SLC8A1: variants seen among roughly 807,000 people sequenced by gnomAD.
SLC8A1 encodes the protein sodium/calcium exchanger 1.
Under a neutral mutation model 68.3 loss-of-function variants are expected in SLC8A1, and 18 were observed. The ratio of observed to expected loss-of-function variants is 0.26; its 90% CI spans 0.18 to 0.39. SLC8A1 has a LOEUF of 0.39. Among genes scored for constraint, SLC8A1 ranks in the 10% least tolerant of loss-of-function variants. The pLI is 1.00. For missense variants in SLC8A1, 985 were observed against 1,156.7 expected, an observed-to-expected ratio of 0.85 and a Z score of 2.15; for synonymous variants, 475 against 415.5, an observed-to-expected ratio of 1.14 and a Z score of -1.74.
chr2:40,476,037 T>C (rs1171492902), intron 1 of SLC8A1, among the ~76,000 whole-genome samples: 1 of 152,186 alleles, frequency 6.6e-6, no homozygotes, highest in Admixed American at 6.5e-5. Context: ...GCACAAAGCA[T>C]GAAAATAAAT....
At chr2:40,500,163 C>A (rs1323183812) in intron 1 of SLC8A1, among the ~76,000 whole-genome samples, 2 of 151,972 alleles carry the variant, frequency 1.3e-5, no homozygotes, top group Non-Finnish European at 2.9e-5. Flanking sequence ...AACAACAAAA[C>A]CCCCAGGATT....
intron 1 of SLC8A1, among the ~76,000 whole-genome samples, chr2:40,466,752 C>CT (rs34426571): frequency 6.6e-6 from 1 of 152,036 alleles, no homozygotes; most frequent in Admixed American, 6.6e-5. Context: ...TTGAATGTGT[C>CT]TTTTTTCTCC....
At chr2:40,140,372 C>T (rs2041317245) in intron 6 of SLC8A1, among the ~76,000 whole-genome samples, 1 of 152,244 alleles carries the variant, frequency 6.6e-6, no homozygotes, top group Non-Finnish European at 1.5e-5. Context: ...CCTCACCCAT[C>T]CTTTAAGACT....
chr2:40,460,058 A>G (rs1703251257), intron 1 of SLC8A1, among the ~76,000 whole-genome samples: 2 of 152,168 alleles, frequency 1.3e-5, no homozygotes, highest in South Asian at 4.1e-4. Flanking sequence ...AGAGTCTTGT[A>G]TACTTCTTTT....
chr2:40,297,576 C>A (rs530426688), intron 2 of SLC8A1, among the ~76,000 whole-genome samples: 2 of 152,282 alleles, frequency 1.3e-5, no homozygotes, highest in South Asian at 4.1e-4. Context: ...ATAGTCTCTA[C>A]TTTGTGTAAA....
chr2:40,259,169 A>G (rs111949614), intron 2 of SLC8A1, among the ~76,000 whole-genome samples: 4 of 152,160 alleles, frequency 2.6e-5, no homozygotes, highest in South Asian at 4.1e-4. Flanking sequence ...AATAGAATCA[A>G]TCTTTTCAAG....
At chr2:40,296,188 C>A (rs1319657714) in intron 2 of SLC8A1, among the ~76,000 whole-genome samples, 1 of 152,128 alleles carries the variant, frequency 6.6e-6, no homozygotes, top group Non-Finnish European at 1.5e-5. Flanking sequence ...TCTGTAGCAA[C>A]TGAAACATAT....
chr2:40,135,118 C>T (rs1399294985), intron 7 of SLC8A1, among the ~76,000 whole-genome samples: 1 of 152,070 alleles, frequency 6.6e-6, no homozygotes, highest in Non-Finnish European at 1.5e-5. Flanking sequence ...GGCCCATGGG[C>T]CCAAAGAACA....
exon 2 of SLC8A1, chr2:40,429,384 A>G: frequency 1.2e-6 from 2 of 1,613,904 alleles, no homozygotes; most frequent in Admixed American, 1.7e-5. Context: ...AATTTTCAAC[A>G]TGAGAATTGA....
chr2:40,252,406 C>G (rs1056944918), intron 2 of SLC8A1, among the ~76,000 whole-genome samples: 4 of 152,062 alleles, frequency 2.6e-5, no homozygotes, highest in Non-Finnish European at 4.4e-5. Context: ...GATCTCGGCT[C>G]ACTGCAACCT....
In SLC8A1 at chr2:40,213,774, T is replaced by G. The variant is rs887881565; in HGVS notation, c.1809-35919A>C. Among the ~76,000 whole-genome samples the G allele has an allele frequency of 2.0e-5, 3 of 152,172 alleles. No individual in the cohort carries two copies. The South Asian group carries it at 6.2e-4, about 32-fold the overall frequency. On this transcript the variant is annotated intron_variant, in intron 2 of 7. Transcript: ENST00000406785. ...CAACAGAAACTAGAGCTGCATCAAT[T>G]CTCTCACACTGCCAAGCCTTTCTTC...
At chr2:40,115,030 C>T in exon 8 of SLC8A1, 1 of 288,804 alleles carries the variant, frequency 3.5e-6, no homozygotes, top group Non-Finnish European at 6.3e-6. Flanking sequence ...CTAGACTGAG[C>T]TGCAAAGATG....
At chr2:40,333,062 C>A (rs921688526) in intron 2 of SLC8A1, among the ~76,000 whole-genome samples, 9 of 151,952 alleles carry the variant, frequency 5.9e-5, no homozygotes, top group Non-Finnish European at 1.3e-4. Context: ...TTAGAGCTTC[C>A]AACTGGATTA....
chr2:40,157,662 G>A (rs548350816), intron 6 of SLC8A1, among the ~76,000 whole-genome samples: 1 of 152,232 alleles, frequency 6.6e-6, no homozygotes, highest in African/African-American at 2.4e-5. Context: ...ACTCAAACTG[G>A]ACAGGGAATG....
intron 2 of SLC8A1, among the ~76,000 whole-genome samples, chr2:40,351,750 G>C (rs540127573): frequency 1.3e-5 from 2 of 152,066 alleles, no homozygotes; most frequent in Non-Finnish European, 2.9e-5. Flanking sequence ...ACAGTAAAGA[G>C]CTCTATGTAT....
At chr2:40,417,669 A>G (rs1009307716) in intron 2 of SLC8A1, among the ~76,000 whole-genome samples, 2 of 152,108 alleles carry the variant, frequency 1.3e-5, no homozygotes, top group Non-Finnish European at 2.9e-5. Flanking sequence ...CCACAGGGAT[A>G]AAATGAGGAT....
intron 1 of SLC8A1, among the ~76,000 whole-genome samples, chr2:40,507,760 T>C: frequency 6.6e-6 from 1 of 152,084 alleles, no homozygotes; most frequent in Admixed American, 6.6e-5. Flanking sequence ...TCAGAATTAA[T>C]AAATTAATAC....
At chr2:40,115,813 A>G (rs765156795) in intron 7 of SLC8A1, among the ~76,000 whole-genome samples, 184 bp from the exon 11 acceptor site, 40 of 152,250 alleles carry the variant, frequency 2.6e-4, no homozygotes, top group Admixed American at 1.6e-3. Context: ...AGATATTGGG[A>G]GTTAAGGGTT....
intron 7 of SLC8A1, among the ~76,000 whole-genome samples, chr2:40,123,637 A>C (rs913978999): frequency 6.6e-6 from 1 of 152,174 alleles, no homozygotes; most frequent in Non-Finnish European, 1.5e-5. Flanking sequence ...AATAGCATCA[A>C]GTTTTTGATA....
Sources: allele counts gnomAD v4.1 joint callset (sites outside exome capture counted in the v4.1 genomes callset), GRCh38; gene constraint gnomAD v4.1.1; transcripts MANE v1.5; gene names NCBI Gene and HGNC (gene_info 2026-07-23, HGNC 2026-07-21).